AVEN: variants seen among roughly 807,000 people sequenced by gnomAD.
AVEN encodes the protein cell death regulator Aven.
In AVEN, 41 loss-of-function variants were observed where a neutral mutation model predicts 38.1. The ratio of observed to expected loss-of-function variants is 1.08; its 90% CI spans 0.84 to 1.40. The LOEUF is 1.40. Ranked by LOEUF, AVEN falls within the 40% of genes most tolerant of loss-of-function variation. The pLI, the probability that AVEN is intolerant of heterozygous loss-of-function variation, is 0.00. For synonymous variants in AVEN, 206 were observed against 171.8 expected (o/e 1.20, Z -1.56); for missense variants, 605 against 438.8 (o/e 1.38, Z -3.38).
chr15:33,965,023 T>C (rs1895333205), intron 2 of AVEN, among the ~76,000 whole-genome samples: 1 of 152,210 alleles, frequency 6.6e-6, no homozygotes, highest in Non-Finnish European at 1.5e-5. Context: ...ACAAGTTACT[T>C]AACCTTGGTG....
intron 2 of AVEN, among the ~76,000 whole-genome samples, chr15:33,973,265 T>A (rs1467088478): frequency 6.6e-6 from 1 of 152,208 alleles, no homozygotes; most frequent in African/African-American, 2.4e-5. Context: ...CCAGAGATGA[T>A]TTCCAGTTCA....
chr15:33,960,445 A>T (rs75442681), intron 2 of AVEN, among the ~76,000 whole-genome samples: 34 of 82,844 alleles, frequency 4.1e-4, no homozygotes, highest in African/African-American at 1.3e-3. Flanking sequence ...TGTGTGTGTG[A>T]GAGAGAGAGA....
chr15:33,915,732 G>A (rs1893111699), intron 2 of AVEN, among the ~76,000 whole-genome samples: 2 of 152,220 alleles, frequency 1.3e-5, no homozygotes, highest in Admixed American at 6.5e-5. Flanking sequence ...CAGGTGGGGA[G>A]GCCTGAAACC....
chr15:33,964,115 A>AT (rs1262678660), intron 2 of AVEN, among the ~76,000 whole-genome samples: 5 of 151,484 alleles, frequency 3.3e-5, no homozygotes, highest in Admixed American at 6.6e-5. Flanking sequence ...TTAAAAAAAA[A>AT]AAAAGTCTAC....
At chr15:33,938,312 G>A (rs555257716) in intron 2 of AVEN, among the ~76,000 whole-genome samples, 112 of 152,004 alleles carry the variant, frequency 7.4e-4, no homozygotes, top group African/African-American at 2.0e-3. Context: ...AAAATTAGCC[G>A]GGCGTGGTGG....
chr15:34,011,890 G>A (rs1415396070), intron 1 of AVEN, among the ~76,000 whole-genome samples: 1 of 152,152 alleles, frequency 6.6e-6, no homozygotes, highest in Admixed American at 6.5e-5. Context: ...AATGACTTAA[G>A]GATAATTTGG....
chr15:34,065,058 T>A (rs572179), intron 4 of AVEN: 165,821 of 166,994 alleles, frequency 0.99, 82,339 homozygotes, highest in Middle Eastern at 1. Context: ...AGGGGCCTCT[T>A]TTCTACTAAT....
chr15:33,945,110 C>T (rs1894459582), intron 2 of AVEN, among the ~76,000 whole-genome samples: 1 of 152,202 alleles, frequency 6.6e-6, no homozygotes, highest in African/African-American at 2.4e-5. Flanking sequence ...CCCTGAATGG[C>T]AATAACCCAA....
At chr15:33,893,487 G>A (rs1892078544) in intron 2 of AVEN, among the ~76,000 whole-genome samples, 1 of 152,138 alleles carries the variant, frequency 6.6e-6, no homozygotes, top group Admixed American at 6.5e-5. Context: ...CTTGAGCCCA[G>A]GAGTTGGGGG....
intron 2 of AVEN, among the ~76,000 whole-genome samples, chr15:33,970,950 T>C (rs1022760012): frequency 3.9e-5 from 6 of 151,984 alleles, no homozygotes; most frequent in African/African-American, 2.4e-5. Flanking sequence ...TTCTTTCCTT[T>C]CCAAATCAAG....
At chr15:34,006,337 T>C (rs1897341953) in intron 1 of AVEN, among the ~76,000 whole-genome samples, 1 of 150,080 alleles carries the variant, frequency 6.7e-6, no homozygotes, top group Admixed American at 6.6e-5. Context: ...GCCTTGTAAC[T>C]GATGAGAATT....
intron 2 of AVEN, among the ~76,000 whole-genome samples, chr15:33,987,570 A>C (rs1896532670): frequency 6.6e-6 from 1 of 152,200 alleles, no homozygotes; most frequent in South Asian, 2.1e-4. Context: ...CAGGCCAGCG[A>C]ACAATGGTTT....
chr15:34,007,673 C>T (rs973957284), intron 1 of AVEN, among the ~76,000 whole-genome samples: 2 of 152,270 alleles, frequency 1.3e-5, no homozygotes. Context: ...TTCCTGGTAC[C>T]GTATTACTTT....
chr15:33,967,455 A>C (rs1319669927), intron 2 of AVEN, among the ~76,000 whole-genome samples: 1 of 152,126 alleles, frequency 6.6e-6, no homozygotes, highest in Non-Finnish European at 1.5e-5. Flanking sequence ...ACTAAAGTAC[A>C]AATAGGTGAA....
At chr15:33,966,522 T>C (rs1276278548) in intron 2 of AVEN, among the ~76,000 whole-genome samples, 1 of 152,104 alleles carries the variant, frequency 6.6e-6, no homozygotes, top group African/African-American at 2.4e-5. Context: ...TTGCCCTCCA[T>C]AAAAAATGGG....
At chr15:33,966,212 GT>G (rs1895376786) in intron 2 of AVEN, among the ~76,000 whole-genome samples, 1 of 152,124 alleles carries the variant, frequency 6.6e-6, no homozygotes, top group South Asian at 2.1e-4. Flanking sequence ...GTTCTCCTAT[GT>G]TGACATTGTA....
chr15:33,966,419 A>G (rs954471726), intron 2 of AVEN, among the ~76,000 whole-genome samples: 1 of 152,182 alleles, frequency 6.6e-6, no homozygotes, highest in Non-Finnish European at 1.5e-5. Flanking sequence ...TGAGAACATA[A>G]AGTGTAACAC....
At chr15:34,073,973 C>CTTT (rs200288533) in intron 1 of AVEN, among the ~76,000 whole-genome samples, 5,263 of 101,730 alleles carry the variant, frequency 0.052, 460 homozygotes, top group African/African-American at 0.092. Context: ...GAGGAACTTT[C>CTTT]TTTTTTCTTC....
intron 1 of AVEN, among the ~76,000 whole-genome samples, chr15:34,020,793 A>T (rs1477416233): frequency 1.3e-5 from 2 of 152,126 alleles, no homozygotes; most frequent in South Asian, 2.1e-4. Flanking sequence ...TCTCCACATA[A>T]CTTTTTACTT....
Sources: gnomAD v4.1 joint callset for allele counts (sites outside exome capture counted in the v4.1 genomes callset) on GRCh38, gnomAD v4.1.1 for gene constraint, MANE v1.5 for transcripts, NCBI Gene and HGNC (gene_info 2026-07-23, HGNC 2026-07-21) for gene names.